The following FBXL2 variants were observed in gnomAD, a reference collection of about 807,000 sequenced individuals.
The protein encoded by FBXL2 is F-box and leucine rich repeat protein 2.
FBXL2 carries 38 observed loss-of-function variants against 69.2 expected under a neutral mutation model. The ratio of observed to expected loss-of-function variants is 0.55; its 90% CI spans 0.42 to 0.72. FBXL2 has a LOEUF of 0.72. Among genes scored for constraint, FBXL2 ranks in the 30% least tolerant of loss-of-function variants. FBXL2 has a pLI of 0.00. For missense variants in FBXL2, 354 were observed against 520.3 expected, an observed-to-expected ratio of 0.68 and a Z score of 3.11; for synonymous variants, 192 against 201.3, an observed-to-expected ratio of 0.95 and a Z score of 0.39.
the FBXL2 span, among the ~76,000 whole-genome samples, chr3:33,416,552 T>A: frequency 6.6e-6 from 1 of 152,238 alleles, no homozygotes; most frequent in Non-Finnish European, 1.5e-5. Flanking sequence ...ACTTTTCTAT[T>A]GCTCCTTGAT....
At chr3:33,289,860 C>CTA in intron 1 of FBXL2, 3 of 852,456 alleles carry the variant, frequency 3.5e-6, no homozygotes, top group Non-Finnish European at 4.2e-6. Context: ...CTGTAGTGCA[C>CTA]CAGGGGGTTT....
At chr3:33,286,492 C>T (rs2034629351) in intron 1 of FBXL2, among the ~76,000 whole-genome samples, 1 of 152,210 alleles carries the variant, frequency 6.6e-6, no homozygotes, top group Non-Finnish European at 1.5e-5. Context: ...GTCAGGGACC[C>T]ACTTGAGGAG....
upstream of FBXL2, chr3:33,277,039 A>G (rs2033345074): frequency 6.4e-6 from 1 of 155,748 alleles, no homozygotes; most frequent in African/African-American, 2.4e-5. Flanking sequence ...ATAACAACTC[A>G]TTGGAAGCTT....
intron 1 of FBXL2, among the ~76,000 whole-genome samples, chr3:33,293,616 A>G (rs1282423854): frequency 1.3e-5 from 2 of 151,578 alleles, no homozygotes; most frequent in Admixed American, 1.3e-4. Context: ...ACATTCTAGT[A>G]TGGCCTATTC....
Position 33,386,300 on chromosome 3 carries a change from A to T in FBXL2, c.*692A>T, listed in dbSNP as rs2043425371. 6.5e-6 allele frequency: 1 copy of T among 152,942 alleles called. No homozygotes were observed. The highest frequency in any genetic ancestry group is 1.5e-5 in the Non-Finnish European group (1 of 68,356). 9.5% of individuals were successfully genotyped at this position (152,942 alleles called of 1,614,324 possible). A position where few individuals can be genotyped will look rare whatever the true frequency, so the allele number is the denominator to read the frequency against. ...AGCAGCTCGGAGTCTGTGTTGCCTG[A>T]TTGGAAAGTAGAAGCTCTGGTGTAT... On this transcript the variant is annotated 3_prime_UTR_variant, in exon 15 of 15. Transcript: ENST00000484457.
chr3:33,411,976 C>G, the FBXL2 span, among the ~76,000 whole-genome samples: 2 of 152,016 alleles, frequency 1.3e-5, no homozygotes, highest in Non-Finnish European at 2.9e-5. Context: ...AACCCGAGGT[C>G]AGGAGTTTGA....
the FBXL2 span, among the ~76,000 whole-genome samples, chr3:33,422,586 A>G: frequency 1.3e-5 from 2 of 151,912 alleles, no homozygotes; most frequent in Admixed American, 1.3e-4. Context: ...TTTGCCAGGC[A>G]TGGTGTCCTG....
At chr3:33,420,837 G>A in the FBXL2 span, among the ~76,000 whole-genome samples, 1 of 152,134 alleles carries the variant, frequency 6.6e-6, no homozygotes, top group South Asian at 2.1e-4. Context: ...TGGCCAGGCT[G>A]TTATCGAACT....
chr3:33,327,499 C>G (rs553437861), intron 2 of FBXL2, among the ~76,000 whole-genome samples: 44 of 152,230 alleles, frequency 2.9e-4, no homozygotes, highest in Admixed American at 6.5e-4. Flanking sequence ...TTATTCTGTT[C>G]TGGAAAGCAC....
intron 2 of FBXL2, among the ~76,000 whole-genome samples, chr3:33,327,575 C>A (rs77211871): frequency 0.014 from 2,188 of 151,858 alleles, 26 homozygotes; most frequent in Non-Finnish European, 0.023. Flanking sequence ...TCAACTAGCT[C>A]AAGACTAAGA....
At chr3:33,384,278 GC>G in intron 14 of FBXL2, 77 bp downstream of exon 14, 1 of 1,442,062 alleles carries the variant, frequency 6.9e-7, no homozygotes, top group Admixed American at 1.8e-5. Context: ...TCAGACCGGG[GC>G]TAGGCACGCG....
chr3:33,298,690 C>G (rs1357196603), intron 2 of FBXL2, among the ~76,000 whole-genome samples: 3 of 104,184 alleles, frequency 2.9e-5, no homozygotes, highest in African/African-American at 4.0e-5. Context: ...GAGTGAAACT[C>G]TGTCTCAAAA....
chr3:33,401,706 G>C (rs1041940703), intron 12 of FBXL2, among the ~76,000 whole-genome samples: 4 of 152,132 alleles, frequency 2.6e-5, no homozygotes, highest in African/African-American at 9.7e-5. Flanking sequence ...CTTCAGACGG[G>C]GGTCTGTCTG....
chr3:33,373,795 A>C, intron 8 of FBXL2, 52 bp from the exon 9 acceptor site: 1 of 1,613,740 alleles, frequency 6.2e-7, no homozygotes, highest in Non-Finnish European at 8.5e-7. Context: ...TTGGTGTCCC[A>C]CTGTTCCCTC....
Position 33,355,625 on chromosome 3 carries a change from C to T in FBXL2, c.66-3342C>T, listed in dbSNP as rs566738291. ...TTCATAATTAAAACAGCCTTAGTGG[C>T]ACAAAGACAGACTAATGGAGCAGAA... is the stretch of plus-strand genomic sequence containing the variant. On this transcript the variant is annotated intron_variant, in intron 2 of 14. Transcript: ENST00000484457. Among the ~76,000 whole-genome samples the T allele has an allele frequency of 2.5e-3, 385 of 152,290 alleles. 1 individual carries two copies. Among genetic ancestry groups the T allele is most frequent in the Admixed American group, 5.2e-3 (79 of 15,302 alleles).
chr3:33,341,057 CTTAATAAA>C (rs1439837832), intron 2 of FBXL2, among the ~76,000 whole-genome samples: 1 of 152,168 alleles, frequency 6.6e-6, no homozygotes, highest in Non-Finnish European at 1.5e-5. Flanking sequence ...TTTTACAGCT[CTTAATAAA>C]TTAATAGATC....
At chr3:33,401,256 A>T (rs898639562) in intron 12 of FBXL2, among the ~76,000 whole-genome samples, 5 of 152,198 alleles carry the variant, frequency 3.3e-5, no homozygotes, top group Admixed American at 6.5e-5. Context: ...TACTAGTAAG[A>T]AATTCAAGTT....
At position 33,358,402 on chromosome 3, in the gene FBXL2, T is replaced by C. The variant is rs9835614; in HGVS notation, c.66-565T>C. Among the ~76,000 whole-genome samples the C allele has an allele frequency of 4.9e-3, 752 of 152,338 alleles. 8 individuals are homozygous for C. The highest frequency in any genetic ancestry group is 0.018 in the African/African-American group (728 of 41,574). On this transcript the variant is annotated intron_variant, in intron 2 of 14. Coordinates refer to ENST00000484457, the MANE Select transcript of FBXL2 (RefSeq NM_012157.5). The stretch of plus-strand genomic sequence containing the variant: ...GGCATTACTGATGCCAACCAAGATT[T>C]TGTTTGCTTCTGTCTGCTTTTCTTC...
At chr3:33,331,086 T>A (rs1301820055) in intron 2 of FBXL2, among the ~76,000 whole-genome samples, 1 of 151,600 alleles carries the variant, frequency 6.6e-6, no homozygotes, top group East Asian at 1.9e-4. Flanking sequence ...ATGCACCCGG[T>A]TTCATTTGCT....
Sources: allele counts gnomAD v4.1 joint callset (sites outside exome capture counted in the v4.1 genomes callset), GRCh38; gene constraint gnomAD v4.1.1; transcripts MANE v1.5; gene names NCBI Gene and HGNC (gene_info 2026-07-23, HGNC 2026-07-21).